FER1L6: variants seen among roughly 807,000 people sequenced by gnomAD.
FER1L6 encodes fer-1 like family member 6.
A neutral mutation model predicts 219.2 loss-of-function variants in FER1L6; 177 were observed. That is an observed-to-expected ratio of 0.81 (90% CI 0.71 to 0.91). FER1L6 has a LOEUF of 0.91. Among genes scored for constraint, FER1L6 ranks in the 40% least tolerant of loss-of-function variants. The pLI, the probability that FER1L6 is intolerant of heterozygous loss-of-function variation, is 0.00. For missense variants in FER1L6, 2,153 were observed against 2,259.9 expected (o/e 0.95, Z 0.96); for synonymous variants, 768 against 824.3 (o/e 0.93, Z 1.17).
intron 21 of FER1L6, 89 bp downstream of exon 21, chr8:124,045,990 C>T (rs1243640753): frequency 4.7e-6 from 7 of 1,501,414 alleles, no homozygotes; most frequent in Non-Finnish European, 6.3e-6. Flanking sequence ...AAATAAAGTC[C>T]TGACGCTGTG....
At chr8:123,856,035 G>A (rs1325596075) in intron 1 of FER1L6, among the ~76,000 whole-genome samples, 5 of 93,860 alleles carry the variant, frequency 5.3e-5, no homozygotes, top group African/African-American at 2.5e-4. Context: ...ATATGTATAT[G>A]AGATATATGT....
At chr8:124,042,331 TTAA>T (rs1194084666) in intron 20 of FER1L6, among the ~76,000 whole-genome samples, 1 of 152,242 alleles carries the variant, frequency 6.6e-6, no homozygotes, top group Non-Finnish European at 1.5e-5. Flanking sequence ...CTCATTTTTG[TTAA>T]TAATAATAGC....
At chr8:123,900,619 T>C (rs927767160) in intron 1 of FER1L6, among the ~76,000 whole-genome samples, 21 of 152,180 alleles carry the variant, frequency 1.4e-4, no homozygotes, top group Non-Finnish European at 4.4e-5. Context: ...ATCAATAATA[T>C]GTGTCATAAT....
At chr8:123,968,392 A>C (rs758387273) in intron 5 of FER1L6, among the ~76,000 whole-genome samples, 6 of 152,210 alleles carry the variant, frequency 3.9e-5, no homozygotes, top group African/African-American at 9.6e-5. Context: ...AAAGTTCATC[A>C]GATGCTGAAG....
intron 31 of FER1L6, among the ~76,000 whole-genome samples, chr8:124,074,374 C>T (rs1447099504): frequency 2.0e-5 from 3 of 152,094 alleles, no homozygotes; most frequent in Non-Finnish European, 4.4e-5. Context: ...GAAATGTAGT[C>T]AGGCCAGGTG....
In FER1L6 at chr8:124,066,350, T is replaced by C. The variant is rs1418609256; in HGVS notation, c.3556-78T>C. ...TTCCAGTGGACACCTAAATGTTTTC[T>C]TCCTCACAAGCCAGTTGACCATCAG... On this transcript the variant is annotated intron_variant, in intron 26 of 40. Transcript: ENST00000522917. The C allele has an allele frequency of 2.6e-6, 4 of 1,533,448 alleles. No individual in the cohort carries two copies. The African/African-American group carries it at 4.1e-5, about 16-fold the overall frequency. The allele number at this position is 1,533,448 out of a possible 1,614,324, so 95.0% of individuals were successfully genotyped here.
At chr8:124,054,776 C>CGATG (rs1421042525) in intron 22 of FER1L6, among the ~76,000 whole-genome samples, 1 of 152,042 alleles carries the variant, frequency 6.6e-6, no homozygotes. Flanking sequence ...AGCGGGAAGG[C>CGATG]GATGAGGCCA....
chr8:123,987,131 A>G (rs188169130), intron 12 of FER1L6, among the ~76,000 whole-genome samples: 102 of 152,298 alleles, frequency 6.7e-4, no homozygotes, highest in African/African-American at 2.3e-3. Context: ...TTGCATTCCC[A>G]TCAACAGTGT....
At chr8:123,898,528 A>G (rs187933395) in intron 1 of FER1L6, among the ~76,000 whole-genome samples, 2 of 151,472 alleles carry the variant, frequency 1.3e-5, no homozygotes, top group Admixed American at 6.6e-5. Context: ...GAGAACATAC[A>G]ATGCTTGGTT....
chr8:123,946,456 G>A (rs1337623792), intron 1 of FER1L6, among the ~76,000 whole-genome samples: 1 of 152,138 alleles, frequency 6.6e-6, no homozygotes, highest in Non-Finnish European at 1.5e-5. Flanking sequence ...GTTTTGCCAT[G>A]TTGGCCAGGC....
intron 20 of FER1L6, among the ~76,000 whole-genome samples, chr8:124,041,968 C>T (rs570274151): frequency 1.3e-5 from 2 of 152,276 alleles, no homozygotes; most frequent in Non-Finnish European, 2.9e-5. Flanking sequence ...GGATAAAATA[C>T]CCAGGACAGT....
intron 13 of FER1L6, among the ~76,000 whole-genome samples, chr8:124,005,717 A>G (rs1227508838): frequency 6.6e-6 from 1 of 152,234 alleles, no homozygotes; most frequent in Non-Finnish European, 1.5e-5. Context: ...TTAAGGAATT[A>G]CTATAACTGG....
intron 19 of FER1L6, among the ~76,000 whole-genome samples, chr8:124,036,742 C>T (rs1298668784): frequency 6.6e-6 from 1 of 152,170 alleles, no homozygotes; most frequent in Non-Finnish European, 1.5e-5. Flanking sequence ...CAGCTACTAA[C>T]AATTCAGAGA....
At chr8:124,047,422 A>C (rs1303466425) in intron 21 of FER1L6, 1 of 152,256 alleles carries the variant, frequency 6.6e-6, no homozygotes, top group African/African-American at 2.4e-5. Context: ...ACAAGTGCCC[A>C]ATACGTAGTA....
intron 29 of FER1L6, among the ~76,000 whole-genome samples, 166 bp downstream of exon 29, chr8:124,069,641 A>G (rs763122484): frequency 6.6e-6 from 1 of 152,202 alleles, no homozygotes; most frequent in Non-Finnish European, 1.5e-5. Flanking sequence ...CCAAGACAGG[A>G]AGCTTGTTCA....
chr8:123,890,186 GCCCTA>G (rs1168643479), intron 1 of FER1L6, among the ~76,000 whole-genome samples: 2 of 151,960 alleles, frequency 1.3e-5, no homozygotes, highest in Non-Finnish European at 2.9e-5. Context: ...GGTAATACTA[GCCCTA>G]AAGTACTTAC....
chr8:124,077,787 T>C (rs1821356140), intron 32 of FER1L6, among the ~76,000 whole-genome samples: 1 of 152,172 alleles, frequency 6.6e-6, no homozygotes, highest in African/African-American at 2.4e-5. Context: ...GCTCTCCAGA[T>C]GTGGATGTTT....
At chr8:124,051,226 G>C (rs1345039143) in intron 22 of FER1L6, among the ~76,000 whole-genome samples, 1 of 152,136 alleles carries the variant, frequency 6.6e-6, no homozygotes, top group African/African-American at 2.4e-5. Flanking sequence ...CCAGCCTCCA[G>C]AACTGTGAGA....
At chr8:123,886,438 C>T (rs1023352464) in intron 1 of FER1L6, among the ~76,000 whole-genome samples, 1 of 152,164 alleles carries the variant, frequency 6.6e-6, no homozygotes, top group Admixed American at 6.5e-5. Context: ...ATCTTTGGCT[C>T]CTCACATGCA....
Sources: gnomAD v4.1 joint callset for allele counts (sites outside exome capture counted in the v4.1 genomes callset) on GRCh38, gnomAD v4.1.1 for gene constraint, MANE v1.5 for transcripts, NCBI Gene and HGNC (gene_info 2026-07-23, HGNC 2026-07-21) for gene names.